Variants in PRRC2C observed in about 807,000 individuals in gnomAD.
PRRC2C encodes proline rich coiled-coil 2C, also known as protein PRRC2C.
PRRC2C carries 72 observed loss-of-function variants against 317.2 expected under a neutral mutation model. The observed-to-expected ratio is 0.23, with a 90% CI of 0.19 to 0.28. PRRC2C has a LOEUF of 0.28. PRRC2C is among the 10% of genes least tolerant of loss of function. PRRC2C has a pLI of 1.00. For synonymous variants in PRRC2C, 1,296 were observed against 1,205.9 expected, an observed-to-expected ratio of 1.07 and a Z score of -1.55; for missense variants, 3,074 against 3,459.7, an observed-to-expected ratio of 0.89 and a Z score of 2.80.
chr1:171,487,833 G>A (rs1380892106), intron 1 of PRRC2C, among the ~76,000 whole-genome samples: 1 of 152,136 alleles, frequency 6.6e-6, no homozygotes, highest in East Asian at 1.9e-4. Context: ...TAAATAATCT[G>A]TAAATTCTCA....
intron 26 of PRRC2C, among the ~76,000 whole-genome samples, chr1:171,578,606 G>A (rs565745911): frequency 7.2e-5 from 11 of 152,100 alleles, no homozygotes; most frequent in Non-Finnish European, 1.5e-4. Context: ...CGTGGCTCAC[G>A]CCTGTAATCC....
In PRRC2C at chr1:171,497,446, C is replaced by T. The variant is rs571214220; in HGVS notation, c.-58+11711C>T. ...ATTTAGGCTTTAAGCCCTTCTTAGT[C>T]CTAATCTGGTTTTTATTTTTATTTT... On this transcript the variant is annotated intron_variant, in intron 1 of 34. Transcript: ENST00000647382. Among the ~76,000 whole-genome samples, 9 of 152,224 alleles carry T rather than the reference C, an allele frequency of 5.9e-5. No homozygotes were observed. The South Asian group carries it at 1.9e-3, about 32-fold the overall frequency.
At chr1:171,512,000 T>C in intron 1 of PRRC2C, 32 bp from the exon 2 acceptor site, 1 of 618,370 alleles carries the variant, frequency 1.6e-6, no homozygotes, top group Non-Finnish European at 2.7e-6. Context: ...GAGTTTTTCA[T>C]CCTTATTTTT....
chr1:171,522,254 A>C lies in PRRC2C; in HGVS notation c.828A>C (p.Thr276=), dbSNP rs780177628. The C allele has an allele frequency of 2.2e-5, 35 of 1,567,344 alleles. No individual in the cohort carries two copies. In the South Asian group the frequency reaches 3.8e-4, roughly 17 times the overall value. Residue 276 remains threonine (T), a synonymous_variant, in exon 7 of 35, where the codon ACA becomes ACC. Coordinates refer to ENST00000647382, the MANE Select transcript of PRRC2C (RefSeq NM_001387844.1). ...GATTCCCACCTTCTTTATCTGAAAC[A>C]AACAAGTAAGGCTATTAAATGATTA... The part of the protein sequence containing the change: ...PMRFPPSLSE[T]NKGLRGRGPP...
chr1:171,508,383 AT>A (rs1252896356), intron 1 of PRRC2C, among the ~76,000 whole-genome samples: 1 of 152,184 alleles, frequency 6.6e-6, no homozygotes, highest in Non-Finnish European at 1.5e-5. Context: ...GGTTTTCTGC[AT>A]TTATTGAGAT....
rs34040896 is a variant in PRRC2C at position 171,486,107 on chromosome 1, CTT to C, written c.-58+393_-58+394del. ...CTTCCTGGACTGGCGGACGTGAAGTCTTTTTTTTTTTTTTTTTTTTTTAGTGT... is the reference window on the plus strand; with the variant it reads ...CTTCCTGGACTGGCGGACGTGAAGTCTTTTTTTTTTTTTTTTTTTTAGTGT... On this transcript the variant is annotated intron_variant, in intron 1 of 34. Coordinates refer to ENST00000647382, the MANE Select transcript of PRRC2C (RefSeq NM_001387844.1). 6.8e-3 allele frequency among the ~76,000 whole-genome samples: 649 copies of C among 95,580 alleles called. 5 individuals are homozygous for C. Among genetic ancestry groups the C allele is most frequent in the African/African-American group, 0.021 (536 of 25,806 alleles). 62.7% of individuals were successfully genotyped at this position (95,580 alleles called of 152,430 possible).
In PRRC2C at chr1:171,557,308, CA is replaced by C; in HGVS notation, c.5202del (p.Lys1734AsnfsTer18). Reference protein sequence around the residue: ...QTSKLPPRFAKKQATGIQQAQ... With the variant: ...QTSKLPPRFAXKQATGIQQAQ... ...CTTCTAAGCTTCCTCCAAGATTTGC[CA>C]AAAAACAGGCTACAGGGATCCAGCA... On this transcript the variant is annotated frameshift_variant, in exon 19 of 35. Coordinates refer to ENST00000647382, the MANE Select transcript of PRRC2C (RefSeq NM_001387844.1). LOFTEE classifies it high-confidence loss of function. The C allele has an allele frequency of 6.4e-7, 1 of 1,551,852 alleles. No individual in the cohort carries two copies. Among genetic ancestry groups the C allele is most frequent in the Non-Finnish European group, 8.7e-7 (1 of 1,147,000 alleles).
chr1:171,546,526 G>A (rs1190051989), intron 17 of PRRC2C, among the ~76,000 whole-genome samples: 1 of 152,154 alleles, frequency 6.6e-6, no homozygotes, highest in African/African-American at 2.4e-5. Context: ...TTTGACCAGT[G>A]GTTCTCAAAG....
chr1:171,532,269 C>T, intron 11 of PRRC2C, 74 bp from the exon 12 acceptor site: 2 of 1,452,522 alleles, frequency 1.4e-6, no homozygotes, highest in South Asian at 1.5e-5. Context: ...GGGGTTTTTC[C>T]TTCTCCATGC....
chr1:171,529,339 C>G (rs934837832), intron 11 of PRRC2C, among the ~76,000 whole-genome samples: 1 of 152,160 alleles, frequency 6.6e-6, no homozygotes, highest in African/African-American at 2.4e-5. Flanking sequence ...ACAATCAACT[C>G]AACATCTCCA....
chr1:171,551,987 A>G (rs993095030), intron 18 of PRRC2C, among the ~76,000 whole-genome samples: 3 of 152,142 alleles, frequency 2.0e-5, no homozygotes, highest in Non-Finnish European at 4.4e-5. Context: ...AGTTTTTTCC[A>G]ATTCTGTGAA....
chr1:171,589,818 CT>C (rs890627375), intron 34 of PRRC2C, among the ~76,000 whole-genome samples: 5 of 129,000 alleles, frequency 3.9e-5, no homozygotes, highest in Non-Finnish European at 3.4e-5. Context: ...TTTTCTTTTT[CT>C]TTTTTTTTGC....
Position 171,537,339 on chromosome 1 carries a change from T to C in PRRC2C, c.2370T>C (p.His790=), listed in dbSNP as rs996867500. ...GSPNSSESFE[H]IARSARDHAI... is the part of the protein sequence containing the mutation. The stretch of plus-strand genomic sequence containing the variant: ...CGAACAGTTCTGAGTCATTTGAGCA[T>C]ATAGCTCGATCTGCAAGAGATCACG... Residue 790 remains histidine (H), a synonymous_variant, in exon 15 of 35, where the codon CAT becomes CAC. Coordinates refer to ENST00000647382, the MANE Select transcript of PRRC2C (RefSeq NM_001387844.1). 1 of 1,597,554 alleles carries C rather than the reference T, an allele frequency of 6.3e-7. No homozygotes were observed. The highest frequency in any genetic ancestry group is 1.1e-5 in the South Asian group (1 of 87,826).
At chr1:171,576,692 G>A (rs1410625882) in intron 25 of PRRC2C, among the ~76,000 whole-genome samples, 1 of 151,870 alleles carries the variant, frequency 6.6e-6, no homozygotes, top group Non-Finnish European at 1.5e-5. Flanking sequence ...GGAGTTGTGT[G>A]GTTTTTTTTG....
At chr1:171,526,958 G>A (rs78405980) in intron 10 of PRRC2C, among the ~76,000 whole-genome samples, 22,893 of 151,098 alleles carry the variant, frequency 0.15, 2,330 homozygotes, top group East Asian at 0.44. Context: ...ACAGGCTCCT[G>A]CCCCCATGCC....
chr1:171,501,690 C>G (rs556913621), intron 1 of PRRC2C, among the ~76,000 whole-genome samples: 2 of 152,164 alleles, frequency 1.3e-5, no homozygotes, highest in East Asian at 3.9e-4. Flanking sequence ...AAAAGCTTTT[C>G]AAAATTAAAA....
rs191650656 is a variant in PRRC2C at position 171,509,321 on chromosome 1, A to G, written c.-57-2711A>G. 6.6e-5 allele frequency among the ~76,000 whole-genome samples: 10 copies of G among 152,360 alleles called. No individual in the cohort carries two copies. The South Asian group carries it at 1.0e-3, about 16-fold the overall frequency. On this transcript the variant is annotated intron_variant, in intron 1 of 34. Coordinates refer to ENST00000647382, the MANE Select transcript of PRRC2C (RefSeq NM_001387844.1). ...AACTTCATTCAAAACAAAGAAATGT[A>G]AACAGGCAGTGTGGGGATATATTCC...
chr1:171,555,806 A>G (rs1448431653), intron 18 of PRRC2C, among the ~76,000 whole-genome samples: 1 of 152,216 alleles, frequency 6.6e-6, no homozygotes, highest in Admixed American at 6.5e-5. Flanking sequence ...CAAATATTGC[A>G]GAACAGCAAA....
intron 5 of PRRC2C, among the ~76,000 whole-genome samples, chr1:171,516,270 G>A (rs1672344948): frequency 6.6e-6 from 1 of 151,996 alleles, no homozygotes; most frequent in Admixed American, 6.6e-5. Context: ...GGATAATGAG[G>A]GATAGTTTAT....
Sources: gnomAD v4.1 joint callset for allele counts (sites outside exome capture counted in the v4.1 genomes callset) on GRCh38, gnomAD v4.1.1 for gene constraint, MANE v1.5 for transcripts, NCBI Gene and HGNC (gene_info 2026-07-23, HGNC 2026-07-21) for gene names.